Variants in PSD3 observed in about 807,000 individuals in gnomAD.
The protein encoded by PSD3 is pleckstrin and Sec7 domain containing 3.
In PSD3, 49 loss-of-function variants were observed where a neutral mutation model predicts 105.5. The observed-to-expected ratio is 0.46, with a 90% CI of 0.37 to 0.59. The LOEUF (loss-of-function observed/expected upper bound fraction) is 0.59. Ranked by LOEUF, PSD3 falls within the 20% of genes least tolerant of loss-of-function variation. The probability of loss-of-function intolerance (pLI) is 0.00; values close to 1 mark genes in which losing one functional copy is unlikely to be tolerated. For synonymous variants in PSD3, 557 were observed against 457.8 expected, an observed-to-expected ratio of 1.22 and a Z score of -2.77; for missense variants, 1,561 against 1,263.8, an observed-to-expected ratio of 1.24 and a Z score of -3.57.
intron 2 of PSD3, among the ~76,000 whole-genome samples, chr8:18,885,609 A>G (rs1563384515): frequency 6.6e-6 from 1 of 152,178 alleles, no homozygotes; most frequent in African/African-American, 2.4e-5. Flanking sequence ...CACCTCACTC[A>G]GCCTCCAGTG....
chr8:19,016,062 A>T (rs1827169626), upstream of PSD3, among the ~76,000 whole-genome samples: 4 of 152,236 alleles, frequency 2.6e-5, no homozygotes, highest in Admixed American at 2.6e-4. Context: ...TCAAATAAAC[A>T]TTGACATTTC....
intron 4 of PSD3, among the ~76,000 whole-genome samples, chr8:18,846,568 G>A (rs1815108686): frequency 6.6e-6 from 1 of 152,148 alleles, no homozygotes; most frequent in Non-Finnish European, 1.5e-5. Flanking sequence ...GAGGGTCACG[G>A]ACTGCTGACA....
intron 1 of PSD3, among the ~76,000 whole-genome samples, chr8:18,961,519 T>A (rs945885584): frequency 6.6e-6 from 1 of 152,004 alleles, no homozygotes; most frequent in African/African-American, 2.4e-5. Flanking sequence ...TGAAACCCCA[T>A]CTCTACTAAA....
intron 4 of PSD3, among the ~76,000 whole-genome samples, chr8:18,820,701 G>C (rs1160895641): frequency 1.3e-5 from 2 of 152,032 alleles, no homozygotes; most frequent in Non-Finnish European, 2.9e-5. Context: ...TGCCAATGTG[G>C]AACCCACAAA....
intron 2 of PSD3, among the ~76,000 whole-genome samples, chr8:18,909,464 C>A (rs112104112): frequency 6.6e-6 from 1 of 151,902 alleles, no homozygotes; most frequent in African/African-American, 2.4e-5. Flanking sequence ...TATTTTTCTT[C>A]TTCTTATTAT....
intron 1 of PSD3, among the ~76,000 whole-genome samples, chr8:18,941,339 T>C (rs1047876712): frequency 1.3e-5 from 2 of 152,188 alleles, no homozygotes; most frequent in African/African-American, 4.8e-5. Context: ...TAAAAAGTGT[T>C]ACTCAAATTT....
chr8:18,776,381 T>TA (rs1207362970), intron 8 of PSD3, among the ~76,000 whole-genome samples: 1 of 141,808 alleles, frequency 7.1e-6, no homozygotes, highest in Non-Finnish European at 1.5e-5. Context: ...TGTATATATA[T>TA]AATTTTTTTT....
At chr8:18,546,014 T>TA (rs1380392697) in intron 15 of PSD3, among the ~76,000 whole-genome samples, 3 of 152,192 alleles carry the variant, frequency 2.0e-5, no homozygotes, top group African/African-American at 7.2e-5. Flanking sequence ...TATTCATTTA[T>TA]TTTTGAGATG....
intron 4 of PSD3, among the ~76,000 whole-genome samples, chr8:18,853,629 C>T (rs6586779): frequency 0.64 from 96,728 of 152,016 alleles, 32,390 homozygotes; most frequent in East Asian, 0.94. Flanking sequence ...AGGTGAATCA[C>T]CTTTCCATAC....
At chr8:18,637,839 T>C (rs534428409) in intron 10 of PSD3, among the ~76,000 whole-genome samples, 1 of 152,274 alleles carries the variant, frequency 6.6e-6, no homozygotes, top group African/African-American at 2.4e-5. Context: ...GTCCTTCAAA[T>C]TGATTATTCT....
At position 19,020,073 on chromosome 8, in the gene PSD3, AT is replaced by A. The variant is rs1295140192; in HGVS notation, c.324+64132del. On this transcript the variant is annotated intron_variant, in intron 1 of 1. Coordinates refer to the PSD3 transcript ENST00000521475. ...TTTATTATCCTTCTTATGGGTAGTT[AT>A]TCTTTCATTCATTCATGTGACAAAT... is the stretch of plus-strand genomic sequence containing the variant. Among the ~76,000 whole-genome samples, 4 of 152,114 alleles carry A rather than the reference AT, an allele frequency of 2.6e-5. No individual in the cohort carries two copies. The East Asian group carries it at 7.7e-4, about 29-fold the overall frequency.
chr8:18,637,412 T>C (rs1479168194), intron 10 of PSD3, among the ~76,000 whole-genome samples: 3 of 152,194 alleles, frequency 2.0e-5, no homozygotes, highest in Non-Finnish European at 2.9e-5. Flanking sequence ...ATGTACCCAC[T>C]ACAATGCCAA....
chr8:18,579,258 A>G (rs909439320), intron 12 of PSD3, among the ~76,000 whole-genome samples: 4 of 152,146 alleles, frequency 2.6e-5, no homozygotes, highest in African/African-American at 9.7e-5. Flanking sequence ...TAGTGTTTAA[A>G]TGGTAGAATT....
chr8:18,771,250 G>A (rs116017044), intron 8 of PSD3, among the ~76,000 whole-genome samples: 195 of 152,232 alleles, frequency 1.3e-3, no homozygotes, highest in African/African-American at 4.4e-3. Context: ...TTGGGCCACC[G>A]CATCAGGCTT....
At chr8:18,680,054 G>A (rs760372453) in intron 9 of PSD3, among the ~76,000 whole-genome samples, 1 of 152,192 alleles carries the variant, frequency 6.6e-6, no homozygotes, top group South Asian at 2.1e-4. Flanking sequence ...GTATCACGTA[G>A]TTTGGCAAGA....
intron 1 of PSD3, among the ~76,000 whole-genome samples, chr8:19,044,739 A>C (rs17469510): frequency 0.1 from 15,908 of 152,252 alleles, 946 homozygotes; most frequent in Non-Finnish European, 0.15. Flanking sequence ...TGGAAGTGCT[A>C]TGAGAACTTT....
chr8:18,803,421 T>TGTGTGTGTGTGTGTG (rs1810910777), intron 6 of PSD3: 3 of 50,412 alleles, frequency 6.0e-5, no homozygotes, highest in Admixed American at 4.3e-4. Flanking sequence ...GTGTGTGTGT[T>TGTGTGTGTGTGTGTG]AAACTCATCA....
At chr8:18,632,347 T>C (rs1806963302) in intron 11 of PSD3, among the ~76,000 whole-genome samples, 1 of 152,084 alleles carries the variant, frequency 6.6e-6, no homozygotes, top group African/African-American at 2.4e-5. Flanking sequence ...GTATTATTTG[T>C]TGAAGCCATG....
rs28645392 is a variant in PSD3 at position 18,868,047 on chromosome 8, C to G, written c.1261G>C (p.Val421Leu). Residue 421 changes from valine (V) to leucine (L), a missense_variant, in exon 4 of 16, where the codon GTT becomes CTT. Transcript: ENST00000327040. ...AGGATGTCTTCATCTTCCCCCTTAA[C>G]GTGCTCCTCTTGTTCGCTGATCCTG... ...RERISEQEEHVKGEDEDILGP... is the reference protein window; with the variant it reads ...RERISEQEEHLKGEDEDILGP... The G allele has an allele frequency of 6.2e-7, 1 of 1,608,418 alleles. No individual in the cohort carries two copies. The highest frequency in any genetic ancestry group is 1.1e-5 in the South Asian group (1 of 89,878).
Sources: allele counts gnomAD v4.1 joint callset (sites outside exome capture counted in the v4.1 genomes callset), GRCh38; gene constraint gnomAD v4.1.1; transcripts MANE v1.5; gene names NCBI Gene and HGNC (gene_info 2026-07-23, HGNC 2026-07-21).